The following CP variants were observed in gnomAD, a reference collection of about 807,000 sequenced individuals.
CP encodes ceruloplasmin, also known as caeruloplasmin.
Under a neutral mutation model 122.4 loss-of-function variants are expected in CP, and 64 were observed. The ratio of observed to expected loss-of-function variants is 0.52; its 90% confidence interval spans 0.43 to 0.64. The LOEUF is 0.64. CP is among the 30% of genes least tolerant of loss of function. The pLI, the probability that CP is intolerant of heterozygous loss-of-function variation, is 0.00. For missense variants in CP, 1,167 were observed against 1,284.4 expected (o/e 0.91, Z 1.40); for synonymous variants, 440 against 436.4 (o/e 1.01, Z -0.10).
At chr3:149,166,324 T>G (rs1244198510) in intron 4 of CP, among the ~76,000 whole-genome samples, 1 of 152,194 alleles carries the variant, frequency 6.6e-6, no homozygotes, top group East Asian at 1.9e-4. Flanking sequence ...TGCATATGTA[T>G]GTAGCACATG....
Position 149,198,483 on chromosome 3 carries a change from C to A in CP, c.1597G>T (p.Val533Leu), listed in dbSNP as rs907751232. The change falls in exon 9 of 19, where the codon GTG (valine) becomes TTG (leucine). Residue 533 changes from valine to leucine, a missense_variant. By Grantham distance (32) the Val-to-Leu change is conservative (BLOSUM62 1). Around this residue, in one of 2 missense-constraint regions of CP, gnomAD observed 525 missense variants for 657.2 expected, o/e 0.80. Coordinates refer to ENST00000264613, the MANE Select transcript of CP (RefSeq NM_000096.4). ...KEVGPTNADPVCLAKMYYSAV... is the reference protein window; with the variant it reads ...KEVGPTNADPLCLAKMYYSAV... ...GAATAATACATCTTAGCTAGACACA[C>A]AGGATCTGCATTAGTGGGTCCTACT... 2 of 1,614,080 alleles carry A rather than the reference C, an allele frequency of 1.2e-6. No individual in the cohort carries two copies. The highest frequency in any genetic ancestry group is 1.7e-6 in the Non-Finnish European group (2 of 1,179,936).
intron 14 of CP, chr3:149,179,914 T>G: frequency 2.2e-6 from 1 of 448,330 alleles, no homozygotes; most frequent in Non-Finnish European, 4.1e-6. Flanking sequence ...CCACTTGCCA[T>G]ACCACAAAGC....
At chr3:149,175,647 C>T (rs1342785591) in intron 18 of CP, among the ~76,000 whole-genome samples, 1 of 118,682 alleles carries the variant, frequency 8.4e-6, no homozygotes, top group African/African-American at 3.4e-5. Flanking sequence ...AAAAACTGTT[C>T]ATTTTTCTCC....
At chr3:149,171,726 A>G (rs1251046933), downstream of CP, among the ~76,000 whole-genome samples, 2 of 119,602 alleles carry the variant, frequency 1.7e-5, no homozygotes, top group Non-Finnish European at 3.3e-5. Flanking sequence ...TTGTCCTGAG[A>G]TGGAGTCTTG....
At chr3:149,219,459 G>A (rs567704364) in intron 1 of CP, among the ~76,000 whole-genome samples, 3 of 152,306 alleles carry the variant, frequency 2.0e-5, no homozygotes, top group East Asian at 3.9e-4. Context: ...TTGTTCTCAT[G>A]GTAGTGAATA....
At chr3:149,203,569 C>A (rs1376070907) in intron 6 of CP, among the ~76,000 whole-genome samples, 1 of 152,188 alleles carries the variant, frequency 6.6e-6, no homozygotes, top group Non-Finnish European at 1.5e-5. Flanking sequence ...TGGCCAGGAG[C>A]TTTTGTTTAT....
rs61734460 is a variant in CP, at chr3:149,185,382, A to G, written c.2142T>C (p.Thr714=). 1.4e-5 allele frequency: 22 copies of G among 1,614,112 alleles called. No homozygotes were observed. Among genetic ancestry groups the G allele is most frequent in the Admixed American group, 6.7e-5 (4 of 60,018 alleles). The change falls in exon 12 of 19, where the codon ACT becomes ACC. Residue 714 remains threonine, a synonymous_variant. Transcript: ENST00000264613. ...HYTGGMKQKY[T]VNQCRRQSED... is the part of the protein sequence containing the mutation. ...CAGACTGCCGCCTGCATTGGTTCACAGTATATTTTTGCTTCATGCCGCCTG... is the reference window on the plus strand; with the variant it reads ...CAGACTGCCGCCTGCATTGGTTCACGGTATATTTTTGCTTCATGCCGCCTG...
intron 1 of CP, among the ~76,000 whole-genome samples, chr3:149,213,355 T>C (rs1191850426): frequency 6.6e-6 from 1 of 152,268 alleles, no homozygotes; most frequent in African/African-American, 2.4e-5. Flanking sequence ...ATGTTTGTAT[T>C]CTAGTGAATG....
chr3:149,187,246 A>G (rs138128197), intron 10 of CP, among the ~76,000 whole-genome samples: 28 of 152,338 alleles, frequency 1.8e-4, no homozygotes, highest in African/African-American at 6.5e-4. Context: ...TTCCAAATAT[A>G]CAAAAATGCA....
In CP at chr3:149,179,691, G is replaced by A. The variant is rs1475093614; in HGVS notation, c.2555-29C>T. 4.6e-6 allele frequency: 5 copies of A among 1,088,812 alleles called. No homozygotes were observed. In the Middle Eastern group the frequency reaches 9.6e-4, roughly 209 times the overall value. 67.4% of individuals were successfully genotyped at this position (1,088,812 alleles called of 1,614,324 possible). A position where few individuals can be genotyped will look rare whatever the true frequency, so the allele number is the denominator to read the frequency against. Reference sequence around the variant, plus strand: ...AATTCATCAAGTGTTAATGGATCTGGTTGTATTTGGTTTATATTGTACACA... The same window carrying A: ...AATTCATCAAGTGTTAATGGATCTGATTGTATTTGGTTTATATTGTACACA... On this transcript the variant is annotated intron_variant, in intron 14 of 18. Transcript: ENST00000264613.
intron 12 of CP, chr3:149,185,038 A>C (rs1338354187): frequency 1.7e-6 from 1 of 595,836 alleles, no homozygotes; most frequent in African/African-American, 1.9e-5. Flanking sequence ...AGATAAATGG[A>C]AATTTTCCCT....
chr3:149,199,677 C>T (rs745700722), intron 8 of CP, 35 bp downstream of exon 8: 3 of 1,612,912 alleles, frequency 1.9e-6, no homozygotes, highest in African/African-American at 2.7e-5. Flanking sequence ...GGTTATTAAA[C>T]ATTGTTGATT....
chr3:149,216,054 C>A (rs570241401), intron 1 of CP, among the ~76,000 whole-genome samples: 1 of 152,170 alleles, frequency 6.6e-6, no homozygotes, highest in African/African-American at 2.4e-5. Flanking sequence ...TATGCTTAGA[C>A]GTGGTTCCCA....
intron 4 of CP, chr3:149,167,386 T>A: frequency 1.4e-6 from 1 of 701,606 alleles, no homozygotes; most frequent in Non-Finnish European, 2.6e-6. Context: ...ATGTTTAATA[T>A]GTTACGTGTT....
downstream of CP, among the ~76,000 whole-genome samples, chr3:149,171,314 C>A (rs1724967496): frequency 1.3e-5 from 2 of 152,032 alleles, no homozygotes; most frequent in Admixed American, 6.6e-5. Context: ...AACACCATTG[C>A]AGTTTGGGGG....
chr3:149,179,143 C>T (rs942364791), intron 15 of CP, among the ~76,000 whole-genome samples: 1 of 152,200 alleles, frequency 6.6e-6, no homozygotes, highest in African/African-American at 2.4e-5. Context: ...CATTTCTTTT[C>T]TCCCTCCTTA....
intron 9 of CP, among the ~76,000 whole-genome samples, chr3:149,191,096 T>C: frequency 6.6e-6 from 1 of 152,204 alleles, no homozygotes; most frequent in East Asian, 1.9e-4. Flanking sequence ...AAGAAATTTT[T>C]GTAAAATATG....
chr3:149,212,090 A>G (rs1038878104), intron 2 of CP, among the ~76,000 whole-genome samples: 13 of 151,934 alleles, frequency 8.6e-5, no homozygotes, highest in African/African-American at 2.2e-4. Context: ...TCAGGAGATC[A>G]AGACCATCCT....
At position 149,209,386 on chromosome 3, in the gene CP, T is replaced by G. The variant is rs1727958910; in HGVS notation, c.608-2A>C. The G allele has an allele frequency of 1.2e-6, 2 of 1,612,844 alleles. No homozygotes were observed. Among genetic ancestry groups the G allele is most frequent in the Non-Finnish European group, 1.7e-6 (2 of 1,179,148 alleles). On this transcript the variant is annotated splice_acceptor_variant, in intron 3 of 18. Coordinates refer to ENST00000264613, the MANE Select transcript of CP (RefSeq NM_000096.4). LOFTEE classifies it high-confidence loss of function. ...TTTCTTTTTCTTTATCTAGAGAATCTGGAGTTAAAGTTACTATTTTAGCAA... is the reference window on the plus strand; with the variant it reads ...TTTCTTTTTCTTTATCTAGAGAATCGGGAGTTAAAGTTACTATTTTAGCAA...
Sources: gnomAD v4.1 joint callset for allele counts (sites outside exome capture counted in the v4.1 genomes callset) on GRCh38, gnomAD v4.1.1 for gene constraint, gnomAD v4.1.1 regional missense constraint, MANE v1.5 for transcripts, NCBI Gene and HGNC (gene_info 2026-07-23, HGNC 2026-07-21) for gene names.